The following CATSPERT variants were observed in gnomAD, a reference collection of about 807,000 sequenced individuals.
The protein encoded by CATSPERT is catsper channel auxiliary subunit tau.
the CATSPERT span, among the ~76,000 whole-genome samples, chr2:201,612,760 C>T: frequency 6.6e-6 from 1 of 152,128 alleles, no homozygotes; most frequent in Non-Finnish European, 1.5e-5. Flanking sequence ...GGCATCGCCT[C>T]ACCCAGGAAG....
At chr2:201,538,856 C>T in the CATSPERT span, among the ~76,000 whole-genome samples, 1 of 152,064 alleles carries the variant, frequency 6.6e-6, no homozygotes, top group Non-Finnish European at 1.5e-5. Flanking sequence ...GTGTGTTGTT[C>T]CCCTCTATGT....
chr2:201,581,591 T>TAC, the CATSPERT span, among the ~76,000 whole-genome samples: 137 of 45,338 alleles, frequency 3.0e-3, 9 homozygotes, highest in Middle Eastern at 0.012. Flanking sequence ...TATATATATA[T>TAC]ATACACATAC....
At chr2:201,517,957 A>C in the CATSPERT span, among the ~76,000 whole-genome samples, 1 of 152,318 alleles carries the variant, frequency 6.6e-6, no homozygotes, top group East Asian at 1.9e-4. Flanking sequence ...GTCAGAGGGA[A>C]ACAAGTCCAA....
chr2:201,587,515 G>A, the CATSPERT span, among the ~76,000 whole-genome samples: 1 of 152,140 alleles, frequency 6.6e-6, no homozygotes, highest in East Asian at 1.9e-4. Flanking sequence ...CTTGTCCTCC[G>A]ATTTACATTG....
the CATSPERT span, among the ~76,000 whole-genome samples, chr2:201,581,121 A>T: frequency 6.6e-6 from 1 of 152,100 alleles, no homozygotes; most frequent in Admixed American, 6.6e-5. Context: ...TGCAAATTTA[A>T]ATAGCCAGGC....
At chr2:201,493,822 G>T in the CATSPERT span, 1 of 1,535,820 alleles carries the variant, frequency 6.5e-7, no homozygotes, top group African/African-American at 1.4e-5. Context: ...TTTCTTTTTG[G>T]TACTACTATT....
the CATSPERT span, among the ~76,000 whole-genome samples, chr2:201,580,844 T>G: frequency 6.6e-6 from 1 of 152,144 alleles, no homozygotes; most frequent in Non-Finnish European, 1.5e-5. Context: ...GAAGCAACCA[T>G]AAAATCTGTA....
the CATSPERT span, among the ~76,000 whole-genome samples, chr2:201,499,724 C>T: frequency 6.6e-6 from 1 of 151,750 alleles, no homozygotes; most frequent in Admixed American, 6.6e-5. Flanking sequence ...GTCCCAGCTA[C>T]TCAGGAGGCT....
At chr2:201,569,847 A>T in the CATSPERT span, among the ~76,000 whole-genome samples, 1 of 152,162 alleles carries the variant, frequency 6.6e-6, no homozygotes, top group Non-Finnish European at 1.5e-5. Context: ...ACAAGCTATG[A>T]GAGCCCTTTC....
chr2:201,579,006 T>A, the CATSPERT span, among the ~76,000 whole-genome samples: 3 of 152,206 alleles, frequency 2.0e-5, no homozygotes, highest in Non-Finnish European at 4.4e-5. Context: ...TGCCATTTTT[T>A]AAAATCTCTG....
the CATSPERT span, among the ~76,000 whole-genome samples, chr2:201,581,209 C>T: frequency 2.0e-5 from 3 of 151,112 alleles, no homozygotes; most frequent in African/African-American, 7.3e-5. Context: ...AGTACGAGAC[C>T]AGCCTGGGCA....
At chr2:201,563,124 G>C in the CATSPERT span, among the ~76,000 whole-genome samples, 1 of 63,248 alleles carries the variant, frequency 1.6e-5, no homozygotes, top group South Asian at 5.7e-4. Context: ...TCCCGGATGG[G>C]GCGGCTGGCC....
the CATSPERT span, chr2:201,491,781 C>T: frequency 1.3e-6 from 2 of 1,537,058 alleles, no homozygotes; most frequent in Non-Finnish European, 1.7e-6. Context: ...TTTTCAGTGT[C>T]TTTTCACACC....
the CATSPERT span, among the ~76,000 whole-genome samples, chr2:201,562,629 G>C: frequency 1.4e-5 from 2 of 147,750 alleles, no homozygotes; most frequent in African/African-American, 5.0e-5. Context: ...AGTGAACAAA[G>C]GTCTCTGGTT....
chr2:201,534,269 A>G, the CATSPERT span: 266,410 of 407,046 alleles, frequency 0.65, 89,398 homozygotes, highest in East Asian at 0.95. Context: ...AACATCCAAC[A>G]TCAAGTGGAG....
the CATSPERT span, chr2:201,553,257 A>C: frequency 6.6e-6 from 1 of 152,248 alleles, no homozygotes. Flanking sequence ...CCTCAGGAGT[A>C]TCAATCACCC....
chr2:201,567,917 A>C, the CATSPERT span, among the ~76,000 whole-genome samples: 32 of 152,326 alleles, frequency 2.1e-4, no homozygotes, highest in African/African-American at 6.7e-4. Flanking sequence ...GACCTGTTGC[A>C]GAGCCTTCTC....
At chr2:201,493,651 G>A in the CATSPERT span, 1 of 1,537,230 alleles carries the variant, frequency 6.5e-7, no homozygotes, top group Non-Finnish European at 8.7e-7. Context: ...CTTCCAAGGT[G>A]TAGGTAATTG....
At chr2:201,517,150 C>T in the CATSPERT span, among the ~76,000 whole-genome samples, 3 of 152,036 alleles carry the variant, frequency 2.0e-5, no homozygotes, top group Admixed American at 1.3e-4. Context: ...TGGGCCTTTT[C>T]CTTAAAGCAG....
Sources: gnomAD v4.1 joint callset for allele counts (sites outside exome capture counted in the v4.1 genomes callset) on GRCh38, gnomAD v4.1.1 for gene constraint, MANE v1.5 for transcripts, NCBI Gene and HGNC (gene_info 2026-07-23, HGNC 2026-07-21) for gene names.